The following PTPRG variants were observed in gnomAD, a reference collection of about 807,000 sequenced individuals.
PTPRG encodes protein tyrosine phosphatase receptor type G, also known as receptor-type tyrosine-protein phosphatase gamma.
Under a neutral mutation model 165.3 loss-of-function variants are expected in PTPRG, and 102 were observed. The observed-to-expected ratio is 0.62, with a 90% CI of 0.53 to 0.73. The LOEUF (loss-of-function observed/expected upper bound fraction) is 0.73. Ranked by LOEUF, PTPRG falls within the 30% of genes least tolerant of loss-of-function variation. PTPRG has a pLI of 0.00. For synonymous variants in PTPRG, 675 were observed against 669.5 expected (o/e 1.01, Z -0.13); for missense variants, 1,866 against 1,861.4 (o/e 1.00, Z -0.05).
intron 13 of PTPRG, among the ~76,000 whole-genome samples, chr3:62,227,767 G>A (rs1390898999): frequency 2.0e-5 from 3 of 152,192 alleles, no homozygotes; most frequent in Non-Finnish European, 4.4e-5. Flanking sequence ...GAGGAAGAGA[G>A]GAGCAGGTAA....
At chr3:61,787,417 T>C (rs2034739298) in intron 2 of PTPRG, among the ~76,000 whole-genome samples, 1 of 152,238 alleles carries the variant, frequency 6.6e-6, no homozygotes, top group East Asian at 1.9e-4. Context: ...ACATTGCCTC[T>C]GTTTGAAAAA....
At chr3:61,736,791 G>C (rs2032740666) in intron 1 of PTPRG, among the ~76,000 whole-genome samples, 2 of 152,154 alleles carry the variant, frequency 1.3e-5, no homozygotes, top group African/African-American at 4.8e-5. Flanking sequence ...GCCCAGCAGA[G>C]TTGTTTTTAC....
At chr3:62,172,797 A>G (rs1286213856) in intron 8 of PTPRG, among the ~76,000 whole-genome samples, 1 of 152,254 alleles carries the variant, frequency 6.6e-6, no homozygotes, top group African/African-American at 2.4e-5. Context: ...AAAACGAGCA[A>G]AGCCTGCCTG....
intron 1 of PTPRG, among the ~76,000 whole-genome samples, chr3:61,608,669 A>G (rs761673985): frequency 3.1e-4 from 47 of 152,126 alleles, no homozygotes; most frequent in African/African-American, 7.2e-4. Context: ...TTGGACTCCC[A>G]TTTGTGTGAA....
At chr3:61,807,723 C>T (rs1394641762) in intron 2 of PTPRG, among the ~76,000 whole-genome samples, 4 of 152,012 alleles carry the variant, frequency 2.6e-5, no homozygotes, top group Admixed American at 6.6e-5. Context: ...TGTGTGTGTA[C>T]GTAAATATGT....
At chr3:61,688,627 G>A (rs1054420279) in intron 1 of PTPRG, among the ~76,000 whole-genome samples, 1 of 152,218 alleles carries the variant, frequency 6.6e-6, no homozygotes, top group Admixed American at 6.5e-5. Flanking sequence ...CAGAGTGAAA[G>A]AAAGGAGCCA....
At chr3:61,662,138 T>G (rs1702684945) in intron 1 of PTPRG, among the ~76,000 whole-genome samples, 1 of 152,238 alleles carries the variant, frequency 6.6e-6, no homozygotes, top group Admixed American at 6.5e-5. Flanking sequence ...AATAGTCATT[T>G]GAACATATGT....
At chr3:61,835,003 A>G (rs2036417832) in intron 2 of PTPRG, among the ~76,000 whole-genome samples, 1 of 152,204 alleles carries the variant, frequency 6.6e-6, no homozygotes. Context: ...TAATAATTAC[A>G]ATCCTTTTGG....
intron 7 of PTPRG, among the ~76,000 whole-genome samples, chr3:62,159,286 A>G (rs1183800604): frequency 6.6e-6 from 1 of 152,084 alleles, no homozygotes; most frequent in Non-Finnish European, 1.5e-5. Context: ...AACTGTGATC[A>G]TGCCACTGCG....
At chr3:61,613,553 G>T (rs141027124) in intron 1 of PTPRG, among the ~76,000 whole-genome samples, 30 of 152,294 alleles carry the variant, frequency 2.0e-4, no homozygotes, top group African/African-American at 7.0e-4. Flanking sequence ...CCCAATTACA[G>T]TGCCAGGTAC....
intron 1 of PTPRG, among the ~76,000 whole-genome samples, chr3:61,669,093 G>A (rs913685825): frequency 3.3e-5 from 5 of 152,074 alleles, no homozygotes; most frequent in African/African-American, 1.2e-4. Context: ...TACCTTCTAG[G>A]GCCTTGAGTG....
At chr3:61,703,788 A>G (rs2031105403) in intron 1 of PTPRG, among the ~76,000 whole-genome samples, 1 of 152,172 alleles carries the variant, frequency 6.6e-6, no homozygotes. Context: ...TATAAAGGAA[A>G]TTCCCAATTC....
chr3:62,176,993 G>C (rs1367324597), intron 8 of PTPRG, among the ~76,000 whole-genome samples: 1 of 152,178 alleles, frequency 6.6e-6, no homozygotes, highest in South Asian at 2.1e-4. Context: ...GCAGAGCCCA[G>C]TGGCTCACGC....
At chr3:61,970,144 A>T (rs1488562259) in intron 2 of PTPRG, among the ~76,000 whole-genome samples, 3 of 152,162 alleles carry the variant, frequency 2.0e-5, no homozygotes, top group South Asian at 2.1e-4. Flanking sequence ...ATATCTTCTG[A>T]TTGTGTTTCC....
intron 2 of PTPRG, among the ~76,000 whole-genome samples, chr3:61,783,025 A>T (rs536234898): frequency 3.3e-5 from 5 of 152,156 alleles, no homozygotes; most frequent in African/African-American, 1.2e-4. Context: ...AGGCTGGTCT[A>T]AAACTCCTTG....
intron 1 of PTPRG, among the ~76,000 whole-genome samples, chr3:61,657,458 G>T (rs770777937): frequency 6.6e-6 from 1 of 150,790 alleles, no homozygotes; most frequent in East Asian, 2.0e-4. Flanking sequence ...CATAGCAAGA[G>T]CCCCCGTCTC....
At chr3:61,799,027 AT>A (rs967649934) in intron 2 of PTPRG, among the ~76,000 whole-genome samples, 268 of 151,600 alleles carry the variant, frequency 1.8e-3, no homozygotes, top group African/African-American at 5.8e-3. Context: ...AACATTAAAA[AT>A]TTTTTTTTAT....
At chr3:62,175,462 G>C (rs1705384094) in intron 8 of PTPRG, among the ~76,000 whole-genome samples, 1 of 152,162 alleles carries the variant, frequency 6.6e-6, no homozygotes, top group South Asian at 2.1e-4. Flanking sequence ...AAAAAGAAAA[G>C]AAAAAGAAAG....
At chr3:62,175,125 A>C (rs1000385484) in intron 8 of PTPRG, among the ~76,000 whole-genome samples, 5 of 152,234 alleles carry the variant, frequency 3.3e-5, no homozygotes, top group Admixed American at 2.0e-4. Context: ...AAGTTTATGT[A>C]AATATATGAG....
Sources: gnomAD v4.1 joint callset for allele counts (sites outside exome capture counted in the v4.1 genomes callset) on GRCh38, gnomAD v4.1.1 for gene constraint, MANE v1.5 for transcripts, NCBI Gene and HGNC (gene_info 2026-07-23, HGNC 2026-07-21) for gene names.